The following STK3 variants were observed in gnomAD, a reference collection of about 807,000 sequenced individuals.
The protein encoded by STK3 is serine/threonine-protein kinase 3.
A neutral mutation model predicts 58.0 loss-of-function variants in STK3; 41 were observed. That is an observed-to-expected ratio of 0.71 (90% CI 0.55 to 0.92). STK3 has a LOEUF of 0.92. Ranked by LOEUF, STK3 falls within the 40% of genes least tolerant of loss-of-function variation. STK3 has a pLI of 0.00. For synonymous variants in STK3, 170 were observed against 191.0 expected (o/e 0.89, Z 0.91); for missense variants, 479 against 602.7 (o/e 0.79, Z 2.15).
At chr8:98,525,516 T>A (rs1825682879) in intron 10 of STK3, among the ~76,000 whole-genome samples, 1 of 152,112 alleles carries the variant, frequency 6.6e-6, no homozygotes, top group Non-Finnish European at 1.5e-5. Context: ...TCATGAATAA[T>A]TTAAAGCTTA....
intron 6 of STK3, among the ~76,000 whole-genome samples, chr8:98,683,090 C>T (rs867779902): frequency 6.6e-6 from 1 of 151,968 alleles, no homozygotes; most frequent in African/African-American, 2.4e-5. Flanking sequence ...ACCAAAGCTA[C>T]TATATCCTGA....
intron 4 of STK3, among the ~76,000 whole-genome samples, chr8:98,738,262 C>G (rs978122577): frequency 6.6e-6 from 1 of 152,016 alleles, no homozygotes; most frequent in African/African-American, 2.4e-5. Context: ...CACCCCACGT[C>G]AGGAGTTCCA....
the STK3 span, among the ~76,000 whole-genome samples, chr8:98,346,816 CA>C: frequency 2.0e-5 from 3 of 147,208 alleles, no homozygotes; most frequent in Admixed American, 6.7e-5. Context: ...AAGTTTCAGG[CA>C]GAAAAAAAAA....
chr8:98,493,652 C>T (rs1822889320), intron 10 of STK3, among the ~76,000 whole-genome samples: 1 of 152,182 alleles, frequency 6.6e-6, no homozygotes, highest in South Asian at 2.1e-4. Context: ...TCCCTCTATA[C>T]TGATGACTTG....
intron 3 of STK3, among the ~76,000 whole-genome samples, chr8:98,868,262 G>A (rs1207627134): frequency 6.6e-6 from 1 of 152,232 alleles, no homozygotes; most frequent in Non-Finnish European, 1.5e-5. Flanking sequence ...CAGTGCATGA[G>A]TGGAAGCTAT....
intron 6 of STK3, among the ~76,000 whole-genome samples, chr8:98,695,530 G>T (rs1420032605): frequency 1.3e-5 from 2 of 152,166 alleles, no homozygotes; most frequent in Non-Finnish European, 2.9e-5. Flanking sequence ...TGTATAAGTT[G>T]TAAGGAAGGG....
intron 1 of STK3, among the ~76,000 whole-genome samples, chr8:98,903,557 C>CTTCTTCTTCTTCTACTTCTTCTTCT (rs1564093746): frequency 5.0e-4 from 5 of 9,928 alleles, no homozygotes; most frequent in African/African-American, 1.8e-3. Flanking sequence ...CTTCTTCTTC[C>CTTCTTCTTCTTCTACTTCTTCTTCT]TTTTTTTTTT....
chr8:98,367,263 A>G (rs1239581840), downstream of STK3, among the ~76,000 whole-genome samples: 1 of 152,268 alleles, frequency 6.6e-6, no homozygotes, highest in African/African-American at 2.4e-5. Context: ...AGCAGTTGCT[A>G]AAAGTTTTCT....
At chr8:98,828,455 A>AAAAAAAAC (rs1564043606), upstream of STK3, among the ~76,000 whole-genome samples, 17 of 150,674 alleles carry the variant, frequency 1.1e-4, no homozygotes, top group African/African-American at 4.1e-4. Flanking sequence ...AAAAAAAAAA[A>AAAAAAAAC]AAAAAAAAAA....
intron 10 of STK3, among the ~76,000 whole-genome samples, chr8:98,508,596 T>C (rs908724491): frequency 5.3e-5 from 8 of 152,206 alleles, no homozygotes; most frequent in African/African-American, 9.7e-5. Context: ...TAAACAACCA[T>C]TGAATTACAT....
intron 3 of STK3, chr8:98,429,079 G>A (rs1563600201): frequency 1.2e-6 from 2 of 1,613,190 alleles, no homozygotes; most frequent in Non-Finnish European, 1.7e-6. Context: ...TGCTGGTGGT[G>A]GGCTACCGTC....
intron 6 of STK3, among the ~76,000 whole-genome samples, chr8:98,658,563 G>C (rs536331520): frequency 6.6e-6 from 1 of 152,028 alleles, no homozygotes; most frequent in East Asian, 1.9e-4. Flanking sequence ...TTTACCTCCT[G>C]TTAACTACCT....
chr8:98,526,791 T>G lies in STK3; in HGVS notation c.1268A>C (p.Asn423Thr), dbSNP rs1825772614. 19 of 1,584,938 alleles carry G rather than the reference T, an allele frequency of 1.2e-5. No individual in the cohort carries two copies. The highest frequency in any genetic ancestry group is 1.5e-5 in the Non-Finnish European group (18 of 1,163,976). ...NMHEPFPMSK[N>T]VFPDNWKVPQ... ...AACTTTCCAGTTATCAGGAAAAACG[T>G]TTTTGGACATAGGGAAGGGTTCATG... Residue 423 changes from asparagine (N) to threonine (T), a missense_variant, in exon 10 of 11, where the codon AAC becomes ACC. Asn to Thr is a moderately conservative substitution (Grantham distance 65, BLOSUM62 0). Around this residue, in one of 3 missense-constraint regions of STK3, gnomAD observed 309 missense variants for 355.7 expected, o/e 0.87. Transcript: ENST00000419617.
At chr8:98,823,388 G>C (rs1191003571) in intron 1 of STK3, among the ~76,000 whole-genome samples, 8 of 152,266 alleles carry the variant, frequency 5.3e-5, no homozygotes, top group African/African-American at 1.9e-4. Flanking sequence ...GAGACCAGGA[G>C]ATTACAGAAA....
chr8:98,665,598 T>C (rs1822280409), intron 6 of STK3, among the ~76,000 whole-genome samples: 1 of 152,128 alleles, frequency 6.6e-6, no homozygotes. Flanking sequence ...TCTCACTATG[T>C]TGCCCAAACT....
chr8:98,892,558 C>T (rs1206326910), intron 1 of STK3, among the ~76,000 whole-genome samples: 3 of 152,152 alleles, frequency 2.0e-5, no homozygotes, highest in African/African-American at 7.2e-5. Flanking sequence ...ACTCACCTTT[C>T]CTTAGTCCCT....
At chr8:98,524,300 GTTTTTC>G (rs1024589998) in intron 10 of STK3, among the ~76,000 whole-genome samples, 7 of 152,220 alleles carry the variant, frequency 4.6e-5, no homozygotes, top group African/African-American at 1.7e-4. Context: ...CTTCAATTTT[GTTTTTC>G]TTTTTCAAGA....
intron 6 of STK3, chr8:98,597,447 A>C (rs746320339): frequency 3.1e-5 from 31 of 985,210 alleles, no homozygotes; most frequent in Non-Finnish European, 3.6e-5. Flanking sequence ...AGTCTTTCAA[A>C]AGCAGTGTAG....
intron 8 of STK3, 95 bp downstream of exon 8, chr8:98,579,569 A>G (rs1352442902): frequency 1.4e-6 from 2 of 1,394,270 alleles, no homozygotes; most frequent in African/African-American, 2.9e-5. Flanking sequence ...TCTTACTTGT[A>G]TAGTAAAACA....
Sources: allele counts gnomAD v4.1 joint callset (sites outside exome capture counted in the v4.1 genomes callset), GRCh38; gene constraint gnomAD v4.1.1; regional missense constraint gnomAD v4.1.1; transcripts MANE v1.5; gene names NCBI Gene and HGNC (gene_info 2026-07-23, HGNC 2026-07-21).